Variants in FRMD3 observed in about 807,000 individuals in gnomAD.
FRMD3 encodes FERM domain containing 3.
In FRMD3, 33 loss-of-function variants were observed where a neutral mutation model predicts 70.2. That is an observed-to-expected ratio of 0.47 (90% CI 0.36 to 0.63). The LOEUF (loss-of-function observed/expected upper bound fraction) is 0.63. FRMD3 is among the 20% of genes least tolerant of loss of function. FRMD3 has a pLI of 0.00. For missense variants in FRMD3, 632 were observed against 711.4 expected (o/e 0.89, Z 1.27); for synonymous variants, 279 against 255.9 (o/e 1.09, Z -0.86).
intron 1 of FRMD3, among the ~76,000 whole-genome samples, chr9:83,455,470 G>T (rs747149874): frequency 6.0e-4 from 92 of 152,136 alleles, no homozygotes; most frequent in African/African-American, 1.9e-3. Context: ...ATCAGGGGTT[G>T]CCACTTTTGC....
At chr9:83,294,525 G>T (rs113914340) in intron 12 of FRMD3, among the ~76,000 whole-genome samples, 2 of 152,136 alleles carry the variant, frequency 1.3e-5, no homozygotes, top group South Asian at 4.1e-4. Context: ...AATATAATAC[G>T]CAAATTTGAA....
At position 83,531,117 on chromosome 9, in the gene FRMD3, A is replaced by G. The variant is rs367865336; in HGVS notation, c.147+6968T>C. ...CTATGAAAATGTGAGAACTGGCACT[A>G]CTATAACTATTTCACTACCAGTCTG... On this transcript the variant is annotated intron_variant, in intron 1 of 13. Coordinates refer to ENST00000304195, the MANE Select transcript of FRMD3 (RefSeq NM_174938.6). 1.1e-4 allele frequency among the ~76,000 whole-genome samples: 16 copies of G among 152,302 alleles called. No homozygotes were observed. The East Asian group carries it at 1.9e-3, about 18-fold the overall frequency.
At chr9:83,328,587 A>C (rs1325218168) in intron 6 of FRMD3, among the ~76,000 whole-genome samples, 2 of 152,218 alleles carry the variant, frequency 1.3e-5, no homozygotes, top group Admixed American at 6.5e-5. Context: ...AATAAAAATT[A>C]GGAGGCAAAT....
At chr9:83,264,369 T>C (rs986334144) in intron 13 of FRMD3, among the ~76,000 whole-genome samples, 2 of 152,176 alleles carry the variant, frequency 1.3e-5, no homozygotes, top group Non-Finnish European at 2.9e-5. Context: ...TTATGTATGA[T>C]ACAACAGGGG....
chr9:83,376,299 A>C (rs1308199531), intron 2 of FRMD3, among the ~76,000 whole-genome samples: 2 of 152,202 alleles, frequency 1.3e-5, no homozygotes, highest in Non-Finnish European at 2.9e-5. Flanking sequence ...AAATTACAAA[A>C]TATTAGAAAT....
chr9:83,319,816 C>T (rs2131083651), intron 6 of FRMD3, among the ~76,000 whole-genome samples: 1 of 152,328 alleles, frequency 6.6e-6, no homozygotes, highest in South Asian at 2.1e-4. Context: ...CTGCTGCCAT[C>T]CATGTAAGAT....
At chr9:83,376,375 T>C (rs2131265644) in intron 2 of FRMD3, among the ~76,000 whole-genome samples, 1 of 152,314 alleles carries the variant, frequency 6.6e-6, no homozygotes, top group Non-Finnish European at 1.5e-5. Flanking sequence ...TCTGGATGAT[T>C]CTGCAGCAGT....
At chr9:83,534,382 G>A (rs974089028) in intron 1 of FRMD3, among the ~76,000 whole-genome samples, 2 of 152,144 alleles carry the variant, frequency 1.3e-5, no homozygotes, top group Non-Finnish European at 2.9e-5. Context: ...AGTTTTCGTT[G>A]GCCAAATACT....
At chr9:83,523,353 TTTC>T (rs1386050598) in intron 1 of FRMD3, among the ~76,000 whole-genome samples, 1 of 152,170 alleles carries the variant, frequency 6.6e-6, no homozygotes, top group Non-Finnish European at 1.5e-5. Flanking sequence ...ATGAAAATAT[TTTC>T]TTAAGTCTTC....
At chr9:83,336,222 G>C (rs1375351811) in intron 5 of FRMD3, among the ~76,000 whole-genome samples, 1 of 152,136 alleles carries the variant, frequency 6.6e-6, no homozygotes, top group Non-Finnish European at 1.5e-5. Context: ...ATAAGTATAT[G>C]AGGTAATGTA....
At chr9:83,505,069 G>T (rs1829152362) in intron 1 of FRMD3, among the ~76,000 whole-genome samples, 1 of 152,130 alleles carries the variant, frequency 6.6e-6, no homozygotes, top group South Asian at 2.1e-4. Flanking sequence ...TTTACTCTGT[G>T]CCATGTGTCT....
intron 1 of FRMD3, among the ~76,000 whole-genome samples, chr9:83,428,518 C>A (rs1826879210): frequency 6.6e-6 from 1 of 151,906 alleles, no homozygotes; most frequent in African/African-American, 2.4e-5. Context: ...ACCACACACA[C>A]ACACACATAT....
intron 6 of FRMD3, among the ~76,000 whole-genome samples, chr9:83,321,794 T>A (rs904366703): frequency 2.0e-5 from 3 of 152,226 alleles, no homozygotes; most frequent in African/African-American, 7.2e-5. Context: ...CCCACTATTG[T>A]TGTATTTCTG....
chr9:83,533,058 T>A (rs1829821612), intron 1 of FRMD3, among the ~76,000 whole-genome samples: 1 of 152,192 alleles, frequency 6.6e-6, no homozygotes, highest in Non-Finnish European at 1.5e-5. Context: ...AGATAATAAG[T>A]GTCCTTATTA....
chr9:83,428,389 A>G lies in FRMD3; in HGVS notation c.148-38681T>C, dbSNP rs931121177. On this transcript the variant is annotated intron_variant, in intron 1 of 13. Coordinates refer to ENST00000304195, the MANE Select transcript of FRMD3 (RefSeq NM_174938.6). ...CGAGACTCGGCCTCAAAAAAAAAAAAGTATGTTTATAGTAGCATACTTTGT... is the reference window on the plus strand; with the variant it reads ...CGAGACTCGGCCTCAAAAAAAAAAAGGTATGTTTATAGTAGCATACTTTGT... 3.9e-4 allele frequency among the ~76,000 whole-genome samples: 60 copies of G among 152,114 alleles called. 1 individual carries two copies. Among genetic ancestry groups the G allele is most frequent in the African/African-American group, 1.3e-3 (55 of 41,422 alleles).
chr9:83,481,515 C>T (rs1214345120), intron 1 of FRMD3, among the ~76,000 whole-genome samples: 6 of 152,038 alleles, frequency 3.9e-5, no homozygotes, highest in East Asian at 1.9e-4. Context: ...CATGAAAGAA[C>T]GATTAACATA....
rs559005980 is a variant in FRMD3, at chr9:83,389,985, T to A, written c.148-277A>T. On this transcript the variant is annotated intron_variant, in intron 1 of 13. Transcript: ENST00000304195. ...AAAATAATCCATATGCCATTTAATT[T>A]GTCTAATGCTATTTATGACTCAGAG... Among the ~76,000 whole-genome samples, 79 of 152,330 alleles carry A rather than the reference T, an allele frequency of 5.2e-4. 2 individuals are homozygous for A. The Middle Eastern group carries it at 0.024, about 46-fold the overall frequency.
chr9:83,261,044 A>G (rs1832961760), intron 13 of FRMD3, among the ~76,000 whole-genome samples: 1 of 151,608 alleles, frequency 6.6e-6, no homozygotes, highest in Admixed American at 6.6e-5. Context: ...TCATTCTATT[A>G]AAAACCTATG....
chr9:83,320,648 C>T (rs968124933), intron 6 of FRMD3, among the ~76,000 whole-genome samples: 4 of 151,984 alleles, frequency 2.6e-5, no homozygotes, highest in Non-Finnish European at 5.9e-5. Flanking sequence ...TTTGTTGTGT[C>T]TTTCTCTGTT....
Sources: allele counts gnomAD v4.1 joint callset (sites outside exome capture counted in the v4.1 genomes callset), GRCh38; gene constraint gnomAD v4.1.1; transcripts MANE v1.5; gene names NCBI Gene and HGNC (gene_info 2026-07-23, HGNC 2026-07-21).